Variants in SEL1L2 observed in about 807,000 individuals in gnomAD.
SEL1L2 encodes the protein protein sel-1 homolog 2.
Under a neutral mutation model 98.8 loss-of-function variants are expected in SEL1L2, and 89 were observed. The ratio of observed to expected loss-of-function variants is 0.90; its 90% CI spans 0.76 to 1.07. The LOEUF (loss-of-function observed/expected upper bound fraction) is 1.07. Ranked by LOEUF, SEL1L2 falls within the 50% of genes least tolerant of loss-of-function variation. The pLI, the probability that SEL1L2 is intolerant of heterozygous loss-of-function variation, is 0.00. For synonymous variants in SEL1L2, 262 were observed against 278.5 expected, an observed-to-expected ratio of 0.94 and a Z score of 0.59; for missense variants, 788 against 812.0, an observed-to-expected ratio of 0.97 and a Z score of 0.36.
intron 1 of SEL1L2, among the ~76,000 whole-genome samples, chr20:13,960,367 G>A (rs772557718): frequency 2.0e-5 from 3 of 152,130 alleles, no homozygotes; most frequent in Non-Finnish European, 4.4e-5. Context: ...AGCAGTCATC[G>A]AAAGTAGGAT....
intron 12 of SEL1L2, among the ~76,000 whole-genome samples, chr20:13,873,726 T>C (rs2046307923): frequency 6.6e-6 from 1 of 152,206 alleles, no homozygotes. Context: ...CCCTGCAGTA[T>C]ACACCTGCTG....
intron 15 of SEL1L2, among the ~76,000 whole-genome samples, chr20:13,866,488 T>C (rs1330169843): frequency 6.6e-6 from 1 of 152,192 alleles, no homozygotes; most frequent in East Asian, 1.9e-4. Flanking sequence ...AAGCCAAATG[T>C]CAGAGAGAGG....
At position 13,931,697 on chromosome 20, in the gene SEL1L2, T is replaced by G. The variant is rs377714335; in HGVS notation, c.189A>C (p.Lys63Asn). ...EQRTSSNVIN[K>N]RENLLEKKKN... ...TCTTTTTCTCCAGGAGATTTTCTCT[T>G]TTATTGATTACATTACTAGATGTTC... The change falls in exon 3 of 20, where the codon AAA becomes AAC. Residue 63 changes from lysine (K) to asparagine (N), a missense_variant. Physicochemically the swap from Lys to Asn is moderately conservative, Grantham distance 94. Coordinates refer to ENST00000284951, the MANE Select transcript of SEL1L2 (RefSeq NM_025229.2). 6.4e-7 allele frequency: 1 copy of G among 1,568,796 alleles called. No homozygotes were observed. Among genetic ancestry groups the G allele is most frequent in the Non-Finnish European group, 8.6e-7 (1 of 1,157,358 alleles).
At chr20:13,918,461 A>G (rs2048506536) in intron 4 of SEL1L2, among the ~76,000 whole-genome samples, 1 of 152,118 alleles carries the variant, frequency 6.6e-6, no homozygotes, top group Admixed American at 6.5e-5. Flanking sequence ...ATGGAACAAG[A>G]CCATGTGGCC....
chr20:13,978,938 A>G (rs2051678443), intron 1 of SEL1L2, among the ~76,000 whole-genome samples: 1 of 152,092 alleles, frequency 6.6e-6, no homozygotes, highest in African/African-American at 2.4e-5. Context: ...GCACGCCTGT[A>G]ATTTCCGGTC....
intron 4 of SEL1L2, among the ~76,000 whole-genome samples, chr20:13,917,240 A>G (rs1012629431): frequency 6.6e-6 from 1 of 152,134 alleles, no homozygotes; most frequent in African/African-American, 2.4e-5. Context: ...GCCAGTGGGC[A>G]TGTTAGTGAG....
upstream of SEL1L2, among the ~76,000 whole-genome samples, chr20:13,992,321 T>A (rs1472605248): frequency 6.6e-6 from 1 of 151,906 alleles, no homozygotes; most frequent in African/African-American, 2.4e-5. Flanking sequence ...CTGGCCAACA[T>A]GGTGAAATCC....
Position 13,865,174 on chromosome 20 carries a change from G to C in SEL1L2, c.1638C>G (p.Ala546=). 1 of 1,611,730 alleles carries C rather than the reference G, an allele frequency of 6.2e-7. No homozygotes were observed. Among genetic ancestry groups the C allele is most frequent in the Non-Finnish European group, 8.5e-7 (1 of 1,178,294 alleles). Residue 546 remains alanine, a synonymous_variant, in exon 17 of 20, where the codon GCC becomes GCG. Transcript: ENST00000284951. ...TTTATCTGGGTTCCATACCTTGAAT[G>C]GCAGCTCGATTCCATAGGAGAAGCG... The part of the protein sequence containing the change: ...PMALLLWNRA[A]IQGNAFARVK...
At position 13,859,447 on chromosome 20, in the gene SEL1L2, T is replaced by A. The variant is rs751117173; in HGVS notation, c.1646-13A>T. The A allele has an allele frequency of 1.2e-6, 2 of 1,603,760 alleles. No individual in the cohort carries two copies. Among genetic ancestry groups the A allele is most frequent in the Admixed American group, 3.4e-5 (2 of 59,294 alleles). On this transcript the variant is annotated splice_polypyrimidine_tract_variant and intron_variant, in intron 17 of 19. Transcript: ENST00000284951. ...GCAAATGCATTGCCTGATAGAAATA[T>A]TAGAGAAAAAAGAATCATAACTCAA...
At chr20:13,866,941 A>G in intron 14 of SEL1L2, 91 bp from the exon 15 acceptor site, 1 of 1,232,626 alleles carries the variant, frequency 8.1e-7, no homozygotes, top group East Asian at 3.0e-5. Flanking sequence ...GATGCCTGCT[A>G]TTTAAATAGA....
chr20:13,863,585 A>G (rs1489329573), intron 17 of SEL1L2, among the ~76,000 whole-genome samples: 1 of 152,240 alleles, frequency 6.6e-6, no homozygotes, highest in African/African-American at 2.4e-5. Flanking sequence ...CAGTAGCCAT[A>G]TCTTCAGGGA....
chr20:13,947,655 T>C (rs6033857), intron 2 of SEL1L2, among the ~76,000 whole-genome samples: 146,990 of 152,298 alleles, frequency 0.97, 71,050 homozygotes, highest in East Asian at 1. Context: ...AGAAGAGCTG[T>C]AGCCCTTTTA....
At chr20:13,970,480 A>G (rs2051233666) in intron 1 of SEL1L2, among the ~76,000 whole-genome samples, 1 of 152,216 alleles carries the variant, frequency 6.6e-6, no homozygotes. Flanking sequence ...GATAATGCCA[A>G]ATTGGCATTC....
At chr20:13,927,208 AT>A (rs2048944462) in intron 3 of SEL1L2, among the ~76,000 whole-genome samples, 1 of 152,202 alleles carries the variant, frequency 6.6e-6, no homozygotes, top group African/African-American at 2.4e-5. Context: ...AAGCCTTATT[AT>A]TTTTATGTAG....
rs780295862 is a variant in SEL1L2, at chr20:13,919,003, C to T, written c.386+18G>A. 4.5e-6 allele frequency: 7 copies of T among 1,545,986 alleles called. No homozygotes were observed. Among genetic ancestry groups the T allele is most frequent in the Non-Finnish European group, 5.3e-6 (6 of 1,127,282 alleles). On this transcript the variant is annotated intron_variant, in intron 4 of 19. Transcript: ENST00000284951. ...CCTGGAAATTCAACTTGGCTAAGGT[C>T]ACTGGATAAAGACTTACTCTTCTTT...
At chr20:13,936,631 T>C (rs551599667) in intron 2 of SEL1L2, among the ~76,000 whole-genome samples, 13 of 152,322 alleles carry the variant, frequency 8.5e-5, no homozygotes, top group African/African-American at 2.9e-4. Context: ...ACCCATTCCC[T>C]ACCCTCCTGC....
In SEL1L2 at chr20:13,850,247, A is replaced by G; in HGVS notation, c.1891T>C (p.Phe631Leu). Reference protein sequence around the residue: ...TSPDAHIPVLFAVMKLETTHL... With the variant: ...TSPDAHIPVLLAVMKLETTHL... ...GTAGTTTCCAGTTTCATGACGGCAA[A>G]GAGCACAGGTATGTGGGCATCTGGA... The change falls in exon 19 of 20, where the codon TTT becomes CTT. Residue 631 changes from phenylalanine (F) to leucine (L), a missense_variant. Physicochemically the swap from Phe to Leu is conservative, Grantham distance 22. Coordinates refer to ENST00000284951, the MANE Select transcript of SEL1L2 (RefSeq NM_025229.2). 6.2e-7 allele frequency: 1 copy of G among 1,614,098 alleles called. No homozygotes were observed. The highest frequency in any genetic ancestry group is 1.3e-5 in the African/African-American group (1 of 75,056).
intron 1 of SEL1L2, among the ~76,000 whole-genome samples, chr20:13,981,483 G>A (rs897841873): frequency 1.3e-5 from 2 of 152,126 alleles, no homozygotes; most frequent in Admixed American, 6.5e-5. Context: ...CTTATATGAA[G>A]GGATGGATAT....
At chr20:13,964,447 ATTTT>A (rs369646828) in intron 1 of SEL1L2, among the ~76,000 whole-genome samples, 8,150 of 111,344 alleles carry the variant, frequency 0.073, 274 homozygotes, top group African/African-American at 0.079. Context: ...CTATCTCTTC[ATTTT>A]TTTTTTTTTT....
Sources: allele counts gnomAD v4.1 joint callset (sites outside exome capture counted in the v4.1 genomes callset), GRCh38; gene constraint gnomAD v4.1.1; transcripts MANE v1.5; gene names NCBI Gene and HGNC (gene_info 2026-07-23, HGNC 2026-07-21).